TMC1: variants seen among roughly 807,000 people sequenced by gnomAD.
The protein encoded by TMC1 is transmembrane channel like 1.
A neutral mutation model predicts 105.8 loss-of-function variants in TMC1; 84 were observed. That is an observed-to-expected ratio of 0.79 (90% CI 0.67 to 0.95). TMC1 has a LOEUF of 0.95. Among genes scored for constraint, TMC1 ranks in the 40% least tolerant of loss-of-function variants. TMC1 has a pLI of 0.00. For synonymous variants in TMC1, 315 were observed against 311.5 expected, an observed-to-expected ratio of 1.01 and a Z score of -0.12; for missense variants, 817 against 914.1, an observed-to-expected ratio of 0.89 and a Z score of 1.37.
chr9:72,623,051 C>CA (rs10644935), intron 3 of TMC1, among the ~76,000 whole-genome samples: 54,110 of 129,052 alleles, frequency 0.42, 11,064 homozygotes, highest in African/African-American at 0.53. Context: ...GACTCCATCT[C>CA]AAAAAAAAAA....
chr9:72,779,875 C>T (rs1029503832), intron 13 of TMC1, among the ~76,000 whole-genome samples: 1 of 152,164 alleles, frequency 6.6e-6, no homozygotes, highest in Non-Finnish European at 1.5e-5. Context: ...CCCATCCTCA[C>T]TAGAGAGGTC....
At chr9:72,739,736 A>C (rs1229883352) in intron 8 of TMC1, among the ~76,000 whole-genome samples, 2 of 152,174 alleles carry the variant, frequency 1.3e-5, no homozygotes, top group African/African-American at 4.8e-5. Context: ...TTCTAAAGGA[A>C]TTCTTTAAAA....
chr9:72,764,168 C>A (rs1381672246), intron 12 of TMC1, among the ~76,000 whole-genome samples: 2 of 152,124 alleles, frequency 1.3e-5, no homozygotes, highest in Non-Finnish European at 2.9e-5. Context: ...CAAGTAGCTG[C>A]AATATATTCT....
chr9:72,737,164 C>T (rs532442818), intron 8 of TMC1, among the ~76,000 whole-genome samples: 19 of 151,858 alleles, frequency 1.3e-4, no homozygotes, highest in Non-Finnish European at 2.4e-4. Flanking sequence ...TGTATTCCTA[C>T]GCTGCTTGGT....
chr9:72,836,569 G>T lies in TMC1; in HGVS notation c.*596G>T, dbSNP rs1047972751. 2 of 153,156 alleles carry T rather than the reference G, an allele frequency of 1.3e-5. No homozygotes were observed. The highest frequency in any genetic ancestry group is 4.8e-5 in the African/African-American group (2 of 41,288). The allele number at this position is 153,156 out of a possible 1,614,324, so 9.5% of individuals were successfully genotyped here. On this transcript the variant is annotated 3_prime_UTR_variant, in exon 24 of 24. Coordinates refer to ENST00000297784, the MANE Select transcript of TMC1 (RefSeq NM_138691.3). ...GCTGGATTCAGTATGAAAAGAAATAGGGTTTTTAGAAGAAAAAAAAATCCT... is the reference window on the plus strand; with the variant it reads ...GCTGGATTCAGTATGAAAAGAAATATGGTTTTTAGAAGAAAAAAAAATCCT...
intron 1 of TMC1, among the ~76,000 whole-genome samples, chr9:72,529,129 T>C (rs574949377): frequency 4.0e-5 from 6 of 150,896 alleles, no homozygotes; most frequent in Non-Finnish European, 7.4e-5. Flanking sequence ...GACTGAAGCA[T>C]CTTTTCAGCT....
chr9:72,792,786 C>G (rs1399757867), intron 17 of TMC1, among the ~76,000 whole-genome samples: 1 of 152,094 alleles, frequency 6.6e-6, no homozygotes, highest in Non-Finnish European at 1.5e-5. Flanking sequence ...CTAGAGGCAG[C>G]TAGTGTGCAT....
At chr9:72,662,547 G>A (rs1389998331) in intron 5 of TMC1, among the ~76,000 whole-genome samples, 1 of 151,870 alleles carries the variant, frequency 6.6e-6, no homozygotes, top group African/African-American at 2.4e-5. Flanking sequence ...TCTGCCCTGG[G>A]AGCCATTCTG....
At position 72,597,061 on chromosome 9, in the gene TMC1, C is replaced by T. The variant is rs139947910; in HGVS notation, c.-306+19038C>T. ...AGACTGCTGAGGGCTTTGCTGCTAA[C>T]GTCAAAGAGCTGGGGCAACTACCAC... On this transcript the variant is annotated intron_variant, in intron 2 of 23. Transcript: ENST00000297784. Among the ~76,000 whole-genome samples the T allele has an allele frequency of 3.2e-3, 491 of 152,280 alleles. 1 individual carries two copies. The highest frequency in any genetic ancestry group is 0.011 in the African/African-American group (464 of 41,546).
chr9:72,568,812 A>G (rs1824215153), intron 1 of TMC1, among the ~76,000 whole-genome samples: 1 of 113,580 alleles, frequency 8.8e-6, no homozygotes, highest in East Asian at 2.5e-4. Context: ...GATCTTCAAA[A>G]TTAAACATAT....
intron 2 of TMC1, among the ~76,000 whole-genome samples, chr9:72,597,770 C>T (rs190541432): frequency 4.2e-4 from 64 of 152,312 alleles, no homozygotes; most frequent in African/African-American, 1.2e-3. Context: ...GATGTCAGCA[C>T]AGACCCTCTG....
At chr9:72,698,037 G>A (rs1418649255) in intron 7 of TMC1, among the ~76,000 whole-genome samples, 2 of 150,676 alleles carry the variant, frequency 1.3e-5, no homozygotes, top group Non-Finnish European at 3.0e-5. Flanking sequence ...ATTCTAATTG[G>A]CAAATTAAAA....
At chr9:72,641,824 T>C (rs1229842397) in intron 4 of TMC1, among the ~76,000 whole-genome samples, 1 of 144,914 alleles carries the variant, frequency 6.9e-6, no homozygotes, top group African/African-American at 2.6e-5. Flanking sequence ...TTTTTTTTTT[T>C]TTTTTTTTTT....
intron 2 of TMC1, among the ~76,000 whole-genome samples, chr9:72,612,816 T>G (rs1319322300): frequency 6.6e-6 from 1 of 152,148 alleles, no homozygotes; most frequent in Admixed American, 6.5e-5. Context: ...GGAGGAGTAG[T>G]GCTACTGGCA....
At chr9:72,824,630 G>A (rs1828924438) in intron 20 of TMC1, among the ~76,000 whole-genome samples, 1 of 152,156 alleles carries the variant, frequency 6.6e-6, no homozygotes, top group Non-Finnish European at 1.5e-5. Context: ...CTGAGTCTGT[G>A]GTCTTTATAG....
intron 5 of TMC1, among the ~76,000 whole-genome samples, chr9:72,673,509 G>A (rs1206888657): frequency 6.6e-6 from 1 of 151,880 alleles, no homozygotes; most frequent in Non-Finnish European, 1.5e-5. Flanking sequence ...TTTTCATACT[G>A]TATATGTAGC....
intron 11 of TMC1, among the ~76,000 whole-genome samples, chr9:72,754,213 C>T (rs538181749): frequency 1.3e-4 from 20 of 152,200 alleles, no homozygotes; most frequent in Middle Eastern, 3.4e-3. Flanking sequence ...TTCTCCCTAC[C>T]GTTTTTCTCT....
At chr9:72,601,559 C>T (rs543152652) in intron 2 of TMC1, among the ~76,000 whole-genome samples, 7 of 152,242 alleles carry the variant, frequency 4.6e-5, no homozygotes, top group Non-Finnish European at 1.0e-4. Context: ...GCCAGAGAAT[C>T]GCTTGAACCC....
chr9:72,524,623 C>T (rs949075059), intron 1 of TMC1, among the ~76,000 whole-genome samples: 1 of 152,172 alleles, frequency 6.6e-6, no homozygotes, highest in Non-Finnish European at 1.5e-5. Context: ...GTCATGCCTT[C>T]CTTTCCCTGC....
Sources: allele counts gnomAD v4.1 joint callset (sites outside exome capture counted in the v4.1 genomes callset), GRCh38; gene constraint gnomAD v4.1.1; transcripts MANE v1.5; gene names NCBI Gene and HGNC (gene_info 2026-07-23, HGNC 2026-07-21).